The following MAGI1 variants were observed in gnomAD, a reference collection of about 807,000 sequenced individuals.
The protein encoded by MAGI1 is membrane associated guanylate kinase, WW and PDZ domain containing 1.
A neutral mutation model predicts 139.9 loss-of-function variants in MAGI1; 58 were observed. The observed-to-expected ratio is 0.41, with a 90% CI of 0.34 to 0.52. The LOEUF (loss-of-function observed/expected upper bound fraction) is 0.52, where lower values mean the gene tolerates loss of function less well. Ranked by LOEUF, MAGI1 falls within the 20% of genes least tolerant of loss-of-function variation. The probability of loss-of-function intolerance (pLI) is 0.12; values close to 1 mark genes in which losing one functional copy is unlikely to be tolerated. For synonymous variants in MAGI1, 812 were observed against 737.9 expected, an observed-to-expected ratio of 1.10 and a Z score of -1.63; for missense variants, 1,874 against 1,901.6, an observed-to-expected ratio of 0.99 and a Z score of 0.27.
chr3:65,654,679 T>A (rs2085770979), intron 1 of MAGI1, among the ~76,000 whole-genome samples: 1 of 151,956 alleles, frequency 6.6e-6, no homozygotes, highest in Non-Finnish European at 1.5e-5. Flanking sequence ...ACATGATGAG[T>A]GTGATTAGAT....
intron 1 of MAGI1, among the ~76,000 whole-genome samples, chr3:65,949,343 T>C (rs1022779089): frequency 6.6e-6 from 1 of 152,224 alleles, no homozygotes; most frequent in African/African-American, 2.4e-5. Flanking sequence ...TTGTTATTAC[T>C]ACTAGCTGGC....
chr3:65,743,833 A>C (rs1360210439), intron 1 of MAGI1, among the ~76,000 whole-genome samples: 10 of 152,126 alleles, frequency 6.6e-5, no homozygotes, highest in Admixed American at 5.9e-4. Flanking sequence ...GTTGGTTCTC[A>C]AGTCTTGAGT....
At chr3:65,671,875 CAATCCTCATAAGGA>C (rs1397692979) in intron 1 of MAGI1, among the ~76,000 whole-genome samples, 2 of 152,124 alleles carry the variant, frequency 1.3e-5, no homozygotes, top group African/African-American at 4.8e-5. Context: ...CCTACAACTC[CAATCCTCATAAGGA>C]AATCCTCATA....
chr3:65,594,999 C>T (rs1405609129), intron 2 of MAGI1, among the ~76,000 whole-genome samples: 1 of 152,122 alleles, frequency 6.6e-6, no homozygotes, highest in Non-Finnish European at 1.5e-5. Flanking sequence ...ATCACATCAC[C>T]TGCTTTATAT....
At chr3:65,681,535 A>G (rs2087590808) in intron 1 of MAGI1, among the ~76,000 whole-genome samples, 1 of 152,226 alleles carries the variant, frequency 6.6e-6, no homozygotes, top group Non-Finnish European at 1.5e-5. Flanking sequence ...AATTTACACT[A>G]TCATTTTGCT....
intron 1 of MAGI1, among the ~76,000 whole-genome samples, chr3:65,836,592 G>T (rs1325064093): frequency 6.6e-6 from 1 of 152,074 alleles, no homozygotes; most frequent in South Asian, 2.1e-4. Flanking sequence ...AGGCTGAGGC[G>T]GGTGGATCAC....
intron 1 of MAGI1, among the ~76,000 whole-genome samples, chr3:65,828,109 G>A (rs1471040240): frequency 6.6e-6 from 1 of 152,162 alleles, no homozygotes; most frequent in Non-Finnish European, 1.5e-5. Flanking sequence ...TCTTGGCATT[G>A]GAGAAGTGAT....
chr3:65,472,185 T>C (rs1950594308), intron 4 of MAGI1, among the ~76,000 whole-genome samples: 1 of 152,038 alleles, frequency 6.6e-6, no homozygotes, highest in African/African-American at 2.4e-5. Flanking sequence ...ATTTAGAAAT[T>C]ACTAATCAAT....
At chr3:65,849,654 T>C (rs1273242827) in intron 1 of MAGI1, among the ~76,000 whole-genome samples, 2 of 152,046 alleles carry the variant, frequency 1.3e-5, no homozygotes, top group Non-Finnish European at 2.9e-5. Flanking sequence ...AACAACTAAA[T>C]GAAATAAAGA....
intron 2 of MAGI1, among the ~76,000 whole-genome samples, chr3:65,601,248 A>G (rs1174348592): frequency 6.6e-6 from 1 of 152,186 alleles, no homozygotes; most frequent in Non-Finnish European, 1.5e-5. Flanking sequence ...ATGGGGTCAG[A>G]AAGGGGTTTT....
chr3:65,382,471 A>C (rs1181120038), intron 15 of MAGI1, among the ~76,000 whole-genome samples: 1 of 152,160 alleles, frequency 6.6e-6, no homozygotes, highest in African/African-American at 2.4e-5. Context: ...AGGAATAGGG[A>C]ATCTGTAATA....
chr3:65,698,996 C>T (rs1173367879), intron 1 of MAGI1, among the ~76,000 whole-genome samples: 2 of 134,820 alleles, frequency 1.5e-5, no homozygotes, highest in East Asian at 2.1e-4. Context: ...AGGCTAATAT[C>T]CAGAATCTAC....
intron 1 of MAGI1, among the ~76,000 whole-genome samples, chr3:65,665,439 G>A (rs998695222): frequency 3.9e-5 from 6 of 152,156 alleles, no homozygotes; most frequent in African/African-American, 1.2e-4. Flanking sequence ...GAACAGCATT[G>A]CTGTAAAGGA....
intron 1 of MAGI1, among the ~76,000 whole-genome samples, chr3:65,999,097 C>CATGTGCAGG (rs906564805): frequency 6.6e-6 from 1 of 151,998 alleles, no homozygotes; most frequent in Admixed American, 6.6e-5. Context: ...TTCCGGGGTA[C>CATGTGCAGG]ATGTGCAGGA....
intron 1 of MAGI1, among the ~76,000 whole-genome samples, chr3:65,650,276 G>T (rs2085506808): frequency 6.6e-6 from 1 of 152,184 alleles, no homozygotes; most frequent in Non-Finnish European, 1.5e-5. Context: ...TGCCTAGTCT[G>T]TGACATTCTG....
At chr3:65,983,746 T>C (rs1312200502) in intron 1 of MAGI1, among the ~76,000 whole-genome samples, 3 of 152,196 alleles carry the variant, frequency 2.0e-5, no homozygotes, top group Non-Finnish European at 4.4e-5. Context: ...GAACATTAGT[T>C]GACAATGGCC....
intron 1 of MAGI1, among the ~76,000 whole-genome samples, chr3:65,822,107 G>T (rs2041981884): frequency 1.3e-5 from 2 of 151,974 alleles, no homozygotes; most frequent in South Asian, 4.2e-4. Context: ...CCACACTATG[G>T]GAAACTACAG....
intron 2 of MAGI1, among the ~76,000 whole-genome samples, chr3:65,596,902 A>C (rs2082231787): frequency 6.6e-6 from 1 of 152,210 alleles, no homozygotes; most frequent in African/African-American, 2.4e-5. Context: ...ATTTCCAGGA[A>C]GCAAACTTAA....
At chr3:66,021,135 A>C (rs1560118381) in intron 1 of MAGI1, among the ~76,000 whole-genome samples, 2 of 152,216 alleles carry the variant, frequency 1.3e-5, no homozygotes, top group Admixed American at 1.3e-4. Flanking sequence ...TACGGTAGAC[A>C]CTAGCCACAA....
Sources: allele counts gnomAD v4.1 joint callset (sites outside exome capture counted in the v4.1 genomes callset), GRCh38; gene constraint gnomAD v4.1.1; transcripts MANE v1.5; gene names NCBI Gene and HGNC (gene_info 2026-07-23, HGNC 2026-07-21).